Variants in GOLGA4 observed in about 807,000 individuals in gnomAD.
GOLGA4 encodes golgin A4, also known as golgin subfamily A member 4.
GOLGA4 carries 169 observed loss-of-function variants against 265.9 expected under a neutral mutation model. That is an observed-to-expected ratio of 0.64 (90% CI 0.56 to 0.72). GOLGA4 has a LOEUF of 0.72. Among genes scored for constraint, GOLGA4 ranks in the 30% least tolerant of loss-of-function variants. The probability of loss-of-function intolerance (pLI) is 0.00; values close to 1 mark genes in which losing one functional copy is unlikely to be tolerated. For missense variants in GOLGA4, 2,482 were observed against 2,483.4 expected, an observed-to-expected ratio of 1.00 and a Z score of 0.01; for synonymous variants, 923 against 855.8, an observed-to-expected ratio of 1.08 and a Z score of -1.37.
chr3:37,328,377 T>A, intron 14 of GOLGA4, 39 bp from the exon 15 acceptor site: 1 of 1,597,558 alleles, frequency 6.3e-7, no homozygotes, highest in Non-Finnish European at 8.5e-7. Flanking sequence ...AGCTTGTTCT[T>A]TGTGTGGCAG....
chr3:37,328,463 A>G lies in GOLGA4; in HGVS notation c.5987A>G (p.Gln1996Arg), dbSNP rs1302027357. 4 of 1,612,820 alleles carry G rather than the reference A, an allele frequency of 2.5e-6. No individual in the cohort carries two copies. Among genetic ancestry groups the G allele is most frequent in the Non-Finnish European group, 2.5e-6 (3 of 1,178,888 alleles). ...LELKHNSTLKQLMREFNTQLA... is the reference protein window; with the variant it reads ...LELKHNSTLKRLMREFNTQLA... ...CTGAAGCACAATTCCACATTAAAAC[A>G]GCTGATGAGGGAGTTTAATACACAG... Residue 1996 changes from glutamine (Q) to arginine (R), a missense_variant, in exon 15 of 24, where the codon CAG becomes CGG. Physicochemically the swap from Gln to Arg is conservative, Grantham distance 43. Around this residue, in one of 3 missense-constraint regions of GOLGA4, gnomAD observed 942 missense variants for 983.1 expected, o/e 0.96. Transcript: ENST00000361924.
intron 20 of GOLGA4, among the ~76,000 whole-genome samples, chr3:37,345,090 G>A (rs2097051905): frequency 6.6e-6 from 1 of 152,076 alleles, no homozygotes; most frequent in Non-Finnish European, 1.5e-5. Context: ...TGTACCTGTA[G>A]TCCCAGCTAC....
chr3:37,251,967 T>C (rs2096735192), intron 2 of GOLGA4, among the ~76,000 whole-genome samples: 1 of 152,178 alleles, frequency 6.6e-6, no homozygotes, highest in Non-Finnish European at 1.5e-5. Context: ...AGAACCTTAA[T>C]TTGAGAGGAT....
chr3:37,338,230 G>A (rs892260295), intron 19 of GOLGA4, among the ~76,000 whole-genome samples: 1 of 152,138 alleles, frequency 6.6e-6, no homozygotes, highest in Non-Finnish European at 1.5e-5. Flanking sequence ...TCTAAACTCT[G>A]GGAGAAATAG....
At chr3:37,294,220 A>G (rs531169992) in intron 5 of GOLGA4, among the ~76,000 whole-genome samples, 1 of 152,302 alleles carries the variant, frequency 6.6e-6, no homozygotes, top group East Asian at 1.9e-4. Flanking sequence ...TTCATTTTAC[A>G]GATGAGAAAG....
chr3:37,255,830 G>A (rs947199927), intron 2 of GOLGA4, among the ~76,000 whole-genome samples: 12 of 150,864 alleles, frequency 8.0e-5, no homozygotes, highest in Non-Finnish European at 1.3e-4. Flanking sequence ...TCAGCACTAC[G>A]CAGCTTCAAC....
chr3:37,348,721 T>C (rs2097064025), intron 21 of GOLGA4, among the ~76,000 whole-genome samples: 1 of 152,218 alleles, frequency 6.6e-6, no homozygotes, highest in Non-Finnish European at 1.5e-5. Flanking sequence ...TGCAAGGTTG[T>C]TACTAAATAA....
At chr3:37,285,969 G>A (rs1483580144) in intron 3 of GOLGA4, 45 bp from the exon 4 acceptor site, 2 of 1,118,908 alleles carry the variant, frequency 1.8e-6, no homozygotes, top group Non-Finnish European at 2.6e-6. Context: ...TAGAATAATT[G>A]CATTTATTTA....
At chr3:37,362,434 G>T (rs1383421909) in intron 23 of GOLGA4, among the ~76,000 whole-genome samples, 4 of 151,062 alleles carry the variant, frequency 2.6e-5, no homozygotes, top group African/African-American at 9.7e-5. Context: ...TAGAGACGGG[G>T]TTTCACCGTT....
chr3:37,265,460 T>C (rs1452867609), intron 2 of GOLGA4, among the ~76,000 whole-genome samples: 1 of 152,252 alleles, frequency 6.6e-6, no homozygotes, highest in Non-Finnish European at 1.5e-5. Context: ...TGTGTTCTCA[T>C]GCTATTTTTT....
At chr3:37,363,406 GATTA>G (rs1696490996) in intron 23 of GOLGA4, among the ~76,000 whole-genome samples, 3 of 152,104 alleles carry the variant, frequency 2.0e-5, no homozygotes, top group South Asian at 4.2e-4. Context: ...TCTATTAATT[GATTA>G]ATTGATTGTC....
chr3:37,327,105 T>C lies in GOLGA4; in HGVS notation c.5219T>C (p.Val1740Ala). The change falls in exon 14 of 24, where the codon GTT becomes GCT. Residue 1740 changes from valine (V) to alanine (A), a missense_variant. Transcript: ENST00000361924. ...AAGACATATGAAGAAAAAATCAGTGTTTTACAAAGAAACTTAACTGAAAAA... is the reference window on the plus strand; with the variant it reads ...AAGACATATGAAGAAAAAATCAGTGCTTTACAAAGAAACTTAACTGAAAAA... ...VQKTYEEKIS[V>A]LQRNLTEKEK... The C allele has an allele frequency of 6.2e-7, 1 of 1,613,516 alleles. No homozygotes were observed. The highest frequency in any genetic ancestry group is 8.5e-7 in the Non-Finnish European group (1 of 1,179,762).
chr3:37,349,037 G>T (rs1377448545), intron 21 of GOLGA4, among the ~76,000 whole-genome samples: 3 of 152,090 alleles, frequency 2.0e-5, no homozygotes, highest in Admixed American at 6.6e-5. Context: ...GAGGAGTAGT[G>T]CTCTCTCTCC....
intron 2 of GOLGA4, among the ~76,000 whole-genome samples, chr3:37,274,449 T>G (rs570764974): frequency 1.3e-5 from 2 of 152,262 alleles, no homozygotes; most frequent in Admixed American, 1.3e-4. Context: ...CCCAGCACTT[T>G]AGGAGGCTGA....
At chr3:37,269,756 A>G (rs967167268) in intron 2 of GOLGA4, among the ~76,000 whole-genome samples, 1 of 152,188 alleles carries the variant, frequency 6.6e-6, no homozygotes, top group Admixed American at 6.5e-5. Context: ...AGTACTTTTC[A>G]TAAGCTATCC....
intron 5 of GOLGA4, among the ~76,000 whole-genome samples, chr3:37,293,258 G>C (rs2150827182): frequency 6.6e-6 from 1 of 152,158 alleles, no homozygotes; most frequent in Non-Finnish European, 1.5e-5. Flanking sequence ...ATGTGGCCCA[G>C]CACAAATTTT....
chr3:37,327,740 G>A lies in GOLGA4; in HGVS notation c.5854G>A (p.Asp1952Asn), dbSNP rs771766708. 6.2e-7 allele frequency: 1 copy of A among 1,613,334 alleles called. No individual in the cohort carries two copies. Among genetic ancestry groups the A allele is most frequent in the Non-Finnish European group, 8.5e-7 (1 of 1,179,320 alleles). ...CAAGGAGATTGTTAGATTGCAGAAA[G>A]ACCTTCGAATGTTGAGAAAGGAGCA... is the stretch of plus-strand genomic sequence containing the variant. ...LGKEIVRLQKDLRMLRKEHQQ... is the reference protein window; with the variant it reads ...LGKEIVRLQKNLRMLRKEHQQ... The change falls in exon 14 of 24, where the codon GAC becomes AAC. Residue 1952 changes from aspartate (D) to asparagine (N), a missense_variant. This residue lies in a region of GOLGA4 where 942 missense variants were observed against 983.1 expected (regional missense o/e 0.96). Coordinates refer to ENST00000361924, the MANE Select transcript of GOLGA4 (RefSeq NM_002078.5).
chr3:37,323,090 A>G (rs73059502), intron 13 of GOLGA4, among the ~76,000 whole-genome samples: 29 of 150,716 alleles, frequency 1.9e-4, no homozygotes, highest in Non-Finnish European at 4.3e-4. Flanking sequence ...GTTGGGTTAA[A>G]CATGTAATCT....
At position 37,325,676 on chromosome 3, in the gene GOLGA4, C is replaced by CTGT; in HGVS notation, c.3792_3794dup (p.Leu1265dup). 1 of 1,613,786 alleles carries CTGT rather than the reference C, an allele frequency of 6.2e-7. No individual in the cohort carries two copies. Among genetic ancestry groups the CTGT allele is most frequent in the Non-Finnish European group, 8.5e-7 (1 of 1,179,708 alleles). On this transcript the variant is annotated inframe_insertion, in exon 14 of 24. Coordinates refer to ENST00000361924, the MANE Select transcript of GOLGA4 (RefSeq NM_002078.5). ...CCGTACAACTAAAGTTAAGGAGGCACTGTTAATTAAAACTTGCACAGTTTC... is the reference window on the plus strand; with the variant it reads ...CCGTACAACTAAAGTTAAGGAGGCACTGTTGTTAATTAAAACTTGCACAGTTTC...
Sources: gnomAD v4.1 joint callset for allele counts (sites outside exome capture counted in the v4.1 genomes callset) on GRCh38, gnomAD v4.1.1 for gene constraint, gnomAD v4.1.1 regional missense constraint, MANE v1.5 for transcripts, NCBI Gene and HGNC (gene_info 2026-07-23, HGNC 2026-07-21) for gene names.